The following ATP1A3 variants were observed in gnomAD, a reference collection of about 807,000 sequenced individuals.
The protein encoded by ATP1A3 is sodium/potassium-transporting ATPase subunit alpha-3.
A neutral mutation model predicts 108.8 loss-of-function variants in ATP1A3; 12 were observed. That is an observed-to-expected ratio of 0.11 (90% confidence interval 0.07 to 0.18). ATP1A3 has a LOEUF of 0.18. Ranked by LOEUF, ATP1A3 falls within the 10% of genes least tolerant of loss-of-function variation. The pLI is 1.00. For synonymous variants in ATP1A3, 539 were observed against 564.5 expected (o/e 0.95, Z 0.64); for missense variants, 498 against 1,387.7 (o/e 0.36, Z 10.19).
In ATP1A3 at chr19:41,969,583, G is replaced by C; in HGVS notation, c.2543-3C>G. 1 of 1,613,598 alleles carries C rather than the reference G, an allele frequency of 6.2e-7. No homozygotes were observed. The highest frequency in any genetic ancestry group is 8.5e-7 in the Non-Finnish European group (1 of 1,180,006). ...GCCACCGAGAGCCTGGATCATTCCT[G>C]GAAGGAGGAGAGAGGAAGCCGAGGA... On this transcript the variant is annotated splice_region_variant and splice_polypyrimidine_tract_variant and intron_variant, in intron 18 of 22. Transcript: ENST00000648268.
chr19:41,991,252 G>C (rs1356139042), intron 1 of ATP1A3, among the ~76,000 whole-genome samples: 2 of 152,158 alleles, frequency 1.3e-5, no homozygotes, highest in African/African-American at 4.8e-5. Context: ...TAGAGGGCCT[G>C]AGCTGCCTGC....
chr19:41,990,334 TC>T (rs2075324910), intron 1 of ATP1A3, among the ~76,000 whole-genome samples: 1 of 152,106 alleles, frequency 6.6e-6, no homozygotes, highest in East Asian at 1.9e-4. Flanking sequence ...AGATCTCCTC[TC>T]TTTCTCTTTC....
At chr19:41,991,361 G>C (rs1555867280) in intron 1 of ATP1A3, among the ~76,000 whole-genome samples, 1 of 152,046 alleles carries the variant, frequency 6.6e-6, no homozygotes, top group African/African-American at 2.4e-5. Context: ...GGTGCAGGGG[G>C]TGGGAGGGAG....
rs1555858556 is a variant in ATP1A3 at position 41,966,626 on chromosome 19, G to A, written c.*311C>T. 6.7e-7 allele frequency: 1 copy of A among 1,482,940 alleles called. No individual in the cohort carries two copies. The highest frequency in any genetic ancestry group is 9.1e-7 in the Non-Finnish European group (1 of 1,103,882). 91.9% of individuals were successfully genotyped at this position (1,482,940 alleles called of 1,614,324 possible). The stretch of plus-strand genomic sequence containing the variant: ...TATTTGATAATTGTCCAGAACCAGA[G>A]ATGGCATCAGCCGGGGGGCTGAAGG... On this transcript the variant is annotated 3_prime_UTR_variant, in exon 23 of 23. Coordinates refer to ENST00000648268, the MANE Select transcript of ATP1A3 (RefSeq NM_152296.5).
Position 41,985,769 on chromosome 19 carries a change from G to A in ATP1A3, c.606+95C>T. The A allele has an allele frequency of 6.4e-7, 1 of 1,558,550 alleles. No individual in the cohort carries two copies. The highest frequency in any genetic ancestry group is 8.7e-7 in the Non-Finnish European group (1 of 1,151,740). The stretch of plus-strand genomic sequence containing the variant: ...CCTGGGTCTGAGGGAGGAGGGGTTG[G>A]GACCTGGACTCCTGAGTGTGAGGGA... On this transcript the variant is annotated intron_variant, in intron 6 of 22. Coordinates refer to ENST00000648268, the MANE Select transcript of ATP1A3 (RefSeq NM_152296.5). The surrounding 1 kb of genome is among the most constrained non-coding windows in gnomAD (Gnocchi z 8.2).
intron 8 of ATP1A3, among the ~76,000 whole-genome samples, chr19:41,983,509 C>T (rs1351289801): frequency 1.3e-5 from 2 of 151,114 alleles, no homozygotes; most frequent in Non-Finnish European, 2.9e-5. Context: ...CAGGCGGAAC[C>T]TCACAGAGAA....
chr19:41,975,861 C>A, intron 15 of ATP1A3, 64 bp from the exon 16 acceptor site: 1 of 1,604,788 alleles, frequency 6.2e-7, no homozygotes, highest in Non-Finnish European at 8.5e-7. Context: ...TCCCTCAGAT[C>A]CAGAAGCCCA....
intron 14 of ATP1A3, among the ~76,000 whole-genome samples, chr19:41,977,423 C>G (rs1395263244): frequency 6.6e-6 from 1 of 151,778 alleles, no homozygotes; most frequent in African/African-American, 2.4e-5. Flanking sequence ...CAGTGGCTCA[C>G]GCCTGTAATC....
Position 41,967,563 on chromosome 19 carries a change from A to G in ATP1A3, c.2921+99T>C, listed in dbSNP as rs2075057078. The G allele has an allele frequency of 1.5e-6, 2 of 1,319,854 alleles. No homozygotes were observed. The highest frequency in any genetic ancestry group is 2.9e-5 in the African/African-American group (2 of 68,502). The allele number at this position is 1,319,854 out of a possible 1,614,324, so 81.8% of individuals were successfully genotyped here. On this transcript the variant is annotated intron_variant, in intron 21 of 22. Coordinates refer to ENST00000648268, the MANE Select transcript of ATP1A3 (RefSeq NM_152296.5). The surrounding 1 kb of genome is among the most constrained non-coding windows in gnomAD (Gnocchi z 4.2). The stretch of plus-strand genomic sequence containing the variant: ...CATCAGAATGGGGACTGCAGTGGGG[A>G]CACCAGGGGAGGTGGGGCCTGAGGT...
rs1555863307 is a variant in ATP1A3, at chr19:41,981,538, C to T, written c.1401G>A (p.Val467=). The T allele has an allele frequency of 2.5e-6, 4 of 1,614,210 alleles. No homozygotes were observed. In the South Asian group the frequency reaches 3.3e-5, roughly 13 times the overall value. ...VKLMRERNKK[V]AEIPFNSTNK... ...TGGTGGAATTGAAGGGAATCTCAGC[C>T]ACTTTCTTGTTGCGTTCACGCATCA... is the stretch of plus-strand genomic sequence containing the variant. Residue 467 remains valine, a synonymous_variant, in exon 11 of 23, where the codon GTG becomes GTA. Coordinates refer to ENST00000648268, the MANE Select transcript of ATP1A3 (RefSeq NM_152296.5). This position sits in a 1 kb window ranked among gnomAD's most constrained non-coding sequence, Gnocchi z 5.0.
chr19:41,984,686 C>T, intron 8 of ATP1A3: 1 of 536,834 alleles, frequency 1.9e-6, no homozygotes, highest in South Asian at 2.8e-5. Flanking sequence ...ATGAGGCCCT[C>T]TGAGTCAGGC....
At chr19:41,970,037 A>AG in intron 18 of ATP1A3, 148 bp downstream of exon 18, 1 of 1,329,886 alleles carries the variant, frequency 7.5e-7, no homozygotes, top group East Asian at 2.3e-5. Flanking sequence ...GATGGGGTGC[A>AG]GACCCCCCCC....
At chr19:41,993,872 G>T in intron 1 of ATP1A3, 199 bp downstream of exon 1, 2 of 976,308 alleles carry the variant, frequency 2.0e-6, no homozygotes, top group Non-Finnish European at 3.0e-6. Context: ...ACAAAGCCAT[G>T]CCAACGTGCG....
intron 11 of ATP1A3, among the ~76,000 whole-genome samples, chr19:41,979,355 C>T (rs997889710): frequency 6.6e-5 from 10 of 151,816 alleles, no homozygotes; most frequent in Non-Finnish European, 1.5e-4. Context: ...CACTCTGTCA[C>T]CCAGGCTGGA....
chr19:41,967,533 G>T lies in ATP1A3; in HGVS notation c.2921+129C>A. The T allele has an allele frequency of 8.4e-7, 1 of 1,192,278 alleles. No homozygotes were observed. The highest frequency in any genetic ancestry group is 1.2e-6 in the Non-Finnish European group (1 of 837,632). 73.9% of individuals were successfully genotyped at this position (1,192,278 alleles called of 1,614,324 possible). A position where few individuals can be genotyped will look rare whatever the true frequency, so the allele number is the denominator to read the frequency against. Reference sequence around the variant, plus strand: ...TGGGAGCAGCCTATGGGGGAGGCTCGGGGGCATCAGAATGGGGACTGCAGT... The same window carrying T: ...TGGGAGCAGCCTATGGGGGAGGCTCTGGGGCATCAGAATGGGGACTGCAGT... On this transcript the variant is annotated intron_variant, in intron 21 of 22. Coordinates refer to ENST00000648268, the MANE Select transcript of ATP1A3 (RefSeq NM_152296.5). The surrounding 1 kb of genome is among the most constrained non-coding windows in gnomAD (Gnocchi z 4.2).
Position 41,968,855 on chromosome 19 carries a change from C to G in ATP1A3, c.2749G>C (p.Val917Leu). 1 of 1,614,144 alleles carries G rather than the reference C, an allele frequency of 6.2e-7. No homozygotes were observed. Among genetic ancestry groups the G allele is most frequent in the Non-Finnish European group, 8.5e-7 (1 of 1,179,992 alleles). ...ATCAGATCGGCCCACTGGACGACAA[C>G]GATGCTCACAAAGAAGGCCGTGTGG... Reference protein sequence around the residue: ...TCHTAFFVSIVVVQWADLIIC... With the variant: ...TCHTAFFVSILVVQWADLIIC... The change falls in exon 20 of 23, where the codon GTT becomes CTT. Residue 917 changes from valine to leucine, a missense_variant. This residue lies in a region of ATP1A3 where 121 missense variants were observed against 425.1 expected (regional missense o/e 0.28). Transcript: ENST00000648268. The surrounding 1 kb of genome is among the most constrained non-coding windows in gnomAD (Gnocchi z 5.0).
chr19:41,970,509 A>G lies in ATP1A3; in HGVS notation c.2297T>C (p.Ile766Thr). 6.2e-7 allele frequency: 1 copy of G among 1,613,990 alleles called. No individual in the cohort carries two copies. Among genetic ancestry groups the G allele is most frequent in the Non-Finnish European group, 8.5e-7 (1 of 1,179,992 alleles). Residue 766 changes from isoleucine (I) to threonine (T), a missense_variant, in exon 17 of 23, where the codon ATT becomes ACT. Around this residue, in one of 9 missense-constraint regions of ATP1A3, gnomAD observed 121 missense variants for 425.1 expected, o/e 0.28. Transcript: ENST00000648268. ...RLIFDNLKKS[I>T]AYTLTSNIPE... ...GATATTGCTGGTCAGGGTGTAGGCAATGGACTTCTTTAGGTTGTCGAAGAT... is the reference window on the plus strand; with the variant it reads ...GATATTGCTGGTCAGGGTGTAGGCAGTGGACTTCTTTAGGTTGTCGAAGAT...
chr19:41,976,220 T>G (rs1287497736), intron 15 of ATP1A3, among the ~76,000 whole-genome samples, 196 bp downstream of exon 15: 1 of 27,228 alleles, frequency 3.7e-5, no homozygotes, highest in Non-Finnish European at 7.0e-5. Context: ...GCCCCCTCCC[T>G]CAGACCCAAG....
In ATP1A3 at chr19:41,980,496, T is replaced by A. The variant is rs941145546; in HGVS notation, c.1437+1006A>T. Reference sequence around the variant, plus strand: ...GGGTGTGGTGGTGCACGCCTCTAATTCCAGCTACTCGGGAGGCTGAGATAT... The same window carrying A: ...GGGTGTGGTGGTGCACGCCTCTAATACCAGCTACTCGGGAGGCTGAGATAT... On this transcript the variant is annotated intron_variant, in intron 11 of 22. Coordinates refer to ENST00000648268, the MANE Select transcript of ATP1A3 (RefSeq NM_152296.5). 1.4e-4 allele frequency among the ~76,000 whole-genome samples: 21 copies of A among 152,020 alleles called. 1 individual carries two copies. Among genetic ancestry groups the A allele is most frequent in the Middle Eastern group, 6.8e-3 (2 of 294 alleles).
Sources: gnomAD v4.1 joint callset for allele counts (sites outside exome capture counted in the v4.1 genomes callset) on GRCh38, gnomAD v4.1.1 for gene constraint, gnomAD v4.1.1 regional missense constraint, Gnocchi (gnomAD v3.1) non-coding constraint, MANE v1.5 for transcripts, NCBI Gene and HGNC (gene_info 2026-07-23, HGNC 2026-07-21) for gene names.